SORBS2: variants seen among roughly 807,000 people sequenced by gnomAD.
SORBS2 encodes sorbin and SH3 domain containing 2, also known as sorbin and SH3 domain-containing protein 2.
A neutral mutation model predicts 97.7 loss-of-function variants in SORBS2; 46 were observed. That is an observed-to-expected ratio of 0.47 (90% confidence interval 0.37 to 0.60). SORBS2 has a LOEUF of 0.60. Among genes scored for constraint, SORBS2 ranks in the 20% least tolerant of loss-of-function variants. The pLI is 0.00. For synonymous variants in SORBS2, 476 were observed against 473.4 expected (o/e 1.01, Z -0.07); for missense variants, 1,316 against 1,282.3 (o/e 1.03, Z -0.40).
chr4:185,748,052 A>C (rs2098774833), intron 2 of SORBS2, among the ~76,000 whole-genome samples: 1 of 152,076 alleles, frequency 6.6e-6, no homozygotes, highest in Admixed American at 6.5e-5. Flanking sequence ...GGCTCATTTT[A>C]AGCTGTGCTA....
At chr4:185,675,610 A>G (rs1299517345) in intron 4 of SORBS2, among the ~76,000 whole-genome samples, 1 of 152,150 alleles carries the variant, frequency 6.6e-6, no homozygotes, top group Non-Finnish European at 1.5e-5. Context: ...CTTAGCCATA[A>G]AATAAGGACA....
rs1489432497 is a variant in SORBS2, at chr4:185,607,937, CA to C, written c.2796+3842del. Among the ~76,000 whole-genome samples the C allele has an allele frequency of 2.0e-5, 3 of 152,160 alleles. No homozygotes were observed. Among genetic ancestry groups the C allele is most frequent in the Admixed American group, 6.5e-5 (1 of 15,286 alleles). On this transcript the variant is annotated intron_variant, in intron 12 of 14. Transcript: ENST00000418609. The surrounding 1 kb of genome is among the most constrained non-coding windows in gnomAD (Gnocchi z 5.2). ...TGAACTCCTGACCTCGTGACCCACC[CA>C]CCTCAGCCTCCCAAAGTGCTGGGGT...
intron 1 of SORBS2, among the ~76,000 whole-genome samples, chr4:185,895,407 T>G (rs1302901539): frequency 6.6e-6 from 1 of 152,208 alleles, no homozygotes; most frequent in Non-Finnish European, 1.5e-5. Context: ...GAAGCTCGAC[T>G]TAGGTTCAGA....
intron 2 of SORBS2, among the ~76,000 whole-genome samples, chr4:185,681,173 TA>T (rs1193396411): frequency 1.3e-5 from 2 of 152,198 alleles, no homozygotes; most frequent in African/African-American, 4.8e-5. Flanking sequence ...TCAAGGAGAC[TA>T]AAGTACATTC....
intron 1 of SORBS2, among the ~76,000 whole-genome samples, chr4:185,790,370 T>C (rs1410512619): frequency 6.6e-6 from 1 of 152,190 alleles, no homozygotes; most frequent in South Asian, 2.1e-4. Flanking sequence ...CAAAAAGACA[T>C]ATTGTAGCGA....
intron 1 of SORBS2, among the ~76,000 whole-genome samples, chr4:185,920,980 T>C (rs1310276299): frequency 6.6e-6 from 1 of 152,080 alleles, no homozygotes; most frequent in Non-Finnish European, 1.5e-5. Flanking sequence ...GGAAAGGAAG[T>C]TGTGAGGCTT....
chr4:185,821,463 T>G (rs1203588392), intron 1 of SORBS2, among the ~76,000 whole-genome samples: 2 of 152,150 alleles, frequency 1.3e-5, no homozygotes, highest in South Asian at 2.1e-4. Context: ...TCGCTCTGTC[T>G]CCTAGGCTGC....
At chr4:185,847,182 G>A (rs1285765762) in intron 1 of SORBS2, among the ~76,000 whole-genome samples, 2 of 152,160 alleles carry the variant, frequency 1.3e-5, no homozygotes, top group Non-Finnish European at 2.9e-5. Flanking sequence ...CATAATGTAA[G>A]TCTGCTCCAG....
At position 185,623,465 on chromosome 4, in the gene SORBS2, C is replaced by CGGT. The variant is rs748769484; in HGVS notation, c.1661_1663dup (p.His554dup). 7.1e-5 allele frequency: 115 copies of CGGT among 1,612,018 alleles called. No individual in the cohort carries two copies. The East Asian group carries it at 8.7e-4, about 12-fold the overall frequency. ...GCCTTTGCAGGAGCTGATGAGGTGG[C>CGGT]GGTGGTGGTGGTGGTGGTGATGGTG... On this transcript the variant is annotated inframe_insertion, in exon 7 of 15. Transcript: ENST00000418609. The surrounding 1 kb of genome is among the most constrained non-coding windows in gnomAD (Gnocchi z 6.4).
intron 4 of SORBS2, among the ~76,000 whole-genome samples, chr4:185,641,760 T>TAA (rs772924602): frequency 0.086 from 12,270 of 142,070 alleles, 585 homozygotes; most frequent in Non-Finnish European, 0.1. Flanking sequence ...TTCTTTTCAT[T>TAA]AAAAAAAAAA....
At chr4:185,698,035 T>A (rs2098202891) in intron 2 of SORBS2, among the ~76,000 whole-genome samples, 2 of 152,214 alleles carry the variant, frequency 1.3e-5, no homozygotes, top group Admixed American at 1.3e-4. Context: ...TGGTAGGGAT[T>A]GAGATCAACC....
chr4:185,929,894 A>G (rs1561311015), intron 1 of SORBS2, among the ~76,000 whole-genome samples: 1 of 152,138 alleles, frequency 6.6e-6, no homozygotes, highest in Admixed American at 6.5e-5. Context: ...TGAATCTCAT[A>G]TTCTGCTATT....
chr4:185,838,993 T>C (rs988952907), intron 1 of SORBS2, among the ~76,000 whole-genome samples: 6 of 152,190 alleles, frequency 3.9e-5, no homozygotes, highest in African/African-American at 1.4e-4. Flanking sequence ...CCATGGGGCA[T>C]AAACTGGACA....
At chr4:185,681,865 G>A (rs1050201528) in intron 2 of SORBS2, among the ~76,000 whole-genome samples, 1 of 152,078 alleles carries the variant, frequency 6.6e-6, no homozygotes, top group African/African-American at 2.4e-5. Flanking sequence ...GTGTCACATC[G>A]TAATCTCTAC....
At chr4:185,859,828 CA>C (rs1293582033) in intron 1 of SORBS2, among the ~76,000 whole-genome samples, 1 of 151,984 alleles carries the variant, frequency 6.6e-6, no homozygotes. Context: ...GCATAATCAA[CA>C]AAAAACTAAG....
Position 185,623,546 on chromosome 4 carries a change from A to T in SORBS2, c.1583T>A (p.Phe528Tyr). 6.2e-7 allele frequency: 1 copy of T among 1,613,714 alleles called. No homozygotes were observed. The highest frequency in any genetic ancestry group is 8.5e-7 in the Non-Finnish European group (1 of 1,179,950). ...GGAGGATGTGAAGGAAAAGTGATCA[A>T]AGTCACTTTCACTGCAGAAGGATGA... Residue 528 changes from phenylalanine to tyrosine, a missense_variant, in exon 7 of 15, where the codon TTT (phenylalanine) becomes TAT (tyrosine). Phe to Tyr is a conservative substitution (Grantham distance 22, BLOSUM62 3). Coordinates refer to ENST00000418609, the Ensembl canonical transcript of SORBS2. The surrounding 1 kb of genome is among the most constrained non-coding windows in gnomAD (Gnocchi z 6.4).
intron 1 of SORBS2, among the ~76,000 whole-genome samples, chr4:185,868,301 C>A (rs931135877): frequency 6.6e-6 from 1 of 151,262 alleles, no homozygotes. Flanking sequence ...GGATTACAGG[C>A]GTGTGCCACC....
At chr4:185,638,797 G>A in intron 4 of SORBS2, 80 bp downstream of exon 14, 1 of 1,325,772 alleles carries the variant, frequency 7.5e-7, no homozygotes. Flanking sequence ...GGGAGTGGGA[G>A]TCGCCAGGCT....
intron 1 of SORBS2, among the ~76,000 whole-genome samples, chr4:185,806,236 G>A (rs1346356788): frequency 2.0e-5 from 3 of 152,210 alleles, no homozygotes; most frequent in African/African-American, 4.8e-5. Flanking sequence ...TGTCCTCAGC[G>A]AGAAGTAAGT....
Sources: gnomAD v4.1 joint callset for allele counts (sites outside exome capture counted in the v4.1 genomes callset) on GRCh38, gnomAD v4.1.1 for gene constraint, Gnocchi (gnomAD v3.1) non-coding constraint, MANE v1.5 for transcripts, NCBI Gene and HGNC (gene_info 2026-07-23, HGNC 2026-07-21) for gene names.